CSMD1: variants seen among roughly 807,000 people sequenced by gnomAD.
CSMD1 encodes the protein CUB and sushi domain-containing protein 1.
A neutral mutation model predicts 417.5 loss-of-function variants in CSMD1; 213 were observed. The ratio of observed to expected loss-of-function variants is 0.51; its 90% confidence interval spans 0.46 to 0.57. CSMD1 has a LOEUF of 0.57. Ranked by LOEUF, CSMD1 falls within the 20% of genes least tolerant of loss-of-function variation. The pLI is 0.00. For synonymous variants in CSMD1, 2,862 were observed against 1,736.8 expected (o/e 1.65, Z -16.11); for missense variants, 6,923 against 4,529.7 (o/e 1.53, Z -15.17).
At chr8:4,691,541 T>C (rs962773997) in intron 1 of CSMD1, among the ~76,000 whole-genome samples, 1 of 152,194 alleles carries the variant, frequency 6.6e-6, no homozygotes, top group African/African-American at 2.4e-5. Flanking sequence ...AAGGGTTCTA[T>C]AGAGCAAATA....
chr8:4,706,373 G>A (rs1181180516), intron 1 of CSMD1, among the ~76,000 whole-genome samples: 1 of 152,090 alleles, frequency 6.6e-6, no homozygotes, highest in African/African-American at 2.4e-5. Flanking sequence ...TACTGAATTA[G>A]ACTACGTTAT....
chr8:4,019,393 T>C (rs1796676733), intron 4 of CSMD1, among the ~76,000 whole-genome samples: 1 of 152,184 alleles, frequency 6.6e-6, no homozygotes, highest in Non-Finnish European at 1.5e-5. Context: ...GCAAGCATAC[T>C]ACCAAGTCTG....
At chr8:3,714,198 A>G (rs1444570486) in intron 6 of CSMD1, among the ~76,000 whole-genome samples, 1 of 150,698 alleles carries the variant, frequency 6.6e-6, no homozygotes, top group African/African-American at 2.4e-5. Flanking sequence ...TAAGCTCCAT[A>G]TATAACATAT....
intron 1 of CSMD1, among the ~76,000 whole-genome samples, chr8:4,757,935 G>T (rs1261130820): frequency 1.4e-5 from 2 of 147,704 alleles, no homozygotes; most frequent in East Asian, 3.9e-4. Context: ...ACTCCATCCT[G>T]GGCAACAGAG....
rs59349269 is a variant in CSMD1 at position 4,604,410 on chromosome 8, T to TGTGTGTGTGTGCGC, written c.302+32931_302+32932insGCGCACACACACAC. Among the ~76,000 whole-genome samples, 97 of 146,226 alleles carry TGTGTGTGTGTGCGC rather than the reference T, an allele frequency of 6.6e-4. No homozygotes were observed. The Middle Eastern group carries it at 0.014, about 22-fold the overall frequency. On this transcript the variant is annotated intron_variant, in intron 2 of 69. Transcript: ENST00000635120. The stretch of plus-strand genomic sequence containing the variant: ...GTGTGTGTGTGTGTGTGTGTGTGTG[T>TGTGTGTGTGTGCGC]GCGCGTGCGTAAAGACTAGGATCTC...
chr8:3,945,030 G>C (rs186538195), intron 5 of CSMD1, among the ~76,000 whole-genome samples: 3 of 152,252 alleles, frequency 2.0e-5, no homozygotes, highest in South Asian at 2.1e-4. Flanking sequence ...CAGATGTCCA[G>C]GACATCCAGA....
intron 6 of CSMD1, among the ~76,000 whole-genome samples, chr8:3,752,003 G>C (rs896056510): frequency 5.3e-5 from 8 of 152,100 alleles, no homozygotes. Context: ...CCATAGATAA[G>C]GATCACTGAA....
At chr8:4,057,424 T>C (rs144248321) in intron 3 of CSMD1, among the ~76,000 whole-genome samples, 12,805 of 152,222 alleles carry the variant, frequency 0.084, 946 homozygotes, top group African/African-American at 0.18. Flanking sequence ...TTGTAGATTC[T>C]GGATGTTAGC....
intron 5 of CSMD1, among the ~76,000 whole-genome samples, chr8:3,786,169 G>C (rs1245026919): frequency 3.3e-5 from 5 of 152,128 alleles, no homozygotes; most frequent in African/African-American, 9.7e-5. Context: ...ACCTGGTTTG[G>C]GGCCAGATTG....
intron 3 of CSMD1, among the ~76,000 whole-genome samples, chr8:4,059,835 T>A (rs913358776): frequency 4.7e-5 from 7 of 149,810 alleles, no homozygotes; most frequent in African/African-American, 1.7e-4. Flanking sequence ...CAGGACCAGA[T>A]GGATTCACAG....
chr8:3,478,865 C>A (rs562814452), intron 11 of CSMD1, among the ~76,000 whole-genome samples: 1 of 152,156 alleles, frequency 6.6e-6, no homozygotes, highest in African/African-American at 2.4e-5. Flanking sequence ...AATGATCTCA[C>A]CTGGGGAGGC....
At chr8:4,117,676 T>C (rs1299518330) in intron 3 of CSMD1, among the ~76,000 whole-genome samples, 4 of 152,168 alleles carry the variant, frequency 2.6e-5, no homozygotes, top group African/African-American at 7.2e-5. Flanking sequence ...AGACAGACTG[T>C]ATACCTGACA....
intron 3 of CSMD1, among the ~76,000 whole-genome samples, chr8:4,081,270 C>T (rs1800115591): frequency 6.6e-6 from 1 of 152,240 alleles, no homozygotes; most frequent in African/African-American, 2.4e-5. Flanking sequence ...TTGAAATACG[C>T]CCAGCGATTC....
chr8:3,406,498 G>T (rs771229077), intron 14 of CSMD1, among the ~76,000 whole-genome samples: 4 of 152,154 alleles, frequency 2.6e-5, no homozygotes, highest in African/African-American at 9.7e-5. Context: ...TAGACAAAGA[G>T]AGAACTGATA....
chr8:3,263,883 A>C (rs1302807097), intron 26 of CSMD1, among the ~76,000 whole-genome samples: 1 of 152,256 alleles, frequency 6.6e-6, no homozygotes, highest in Non-Finnish European at 1.5e-5. Context: ...GTGTAAAAAT[A>C]GTACACTGTT....
intron 10 of CSMD1, among the ~76,000 whole-genome samples, chr8:3,523,700 C>A (rs908776227): frequency 1.3e-5 from 2 of 151,344 alleles, no homozygotes; most frequent in Non-Finnish European, 2.9e-5. Flanking sequence ...CATATGCACA[C>A]ATGTGCATGC....
intron 3 of CSMD1, among the ~76,000 whole-genome samples, chr8:4,062,460 G>T (rs1799025836): frequency 6.6e-6 from 1 of 152,078 alleles, no homozygotes; most frequent in South Asian, 2.1e-4. Flanking sequence ...CTGACACAAT[G>T]TCAGAATCAA....
chr8:4,298,377 T>C (rs1022780044), intron 3 of CSMD1, among the ~76,000 whole-genome samples: 7 of 152,174 alleles, frequency 4.6e-5, no homozygotes, highest in Non-Finnish European at 1.0e-4. Context: ...TTTTATTTAC[T>C]GTATTTGCTT....
intron 1 of CSMD1, among the ~76,000 whole-genome samples, chr8:4,935,879 C>G (rs112715600): frequency 1.9e-4 from 29 of 152,312 alleles, no homozygotes; most frequent in African/African-American, 6.7e-4. Context: ...AGAACTCATG[C>G]AATTTCTGGG....
Sources: allele counts gnomAD v4.1 joint callset (sites outside exome capture counted in the v4.1 genomes callset), GRCh38; gene constraint gnomAD v4.1.1; transcripts MANE v1.5; gene names NCBI Gene and HGNC (gene_info 2026-07-23, HGNC 2026-07-21).